SPATA22: variants seen among roughly 807,000 people sequenced by gnomAD.
The protein encoded by SPATA22 is spermatogenesis-associated protein 22.
Under a neutral mutation model 47.8 loss-of-function variants are expected in SPATA22, and 29 were observed. The ratio of observed to expected loss-of-function variants is 0.61; its 90% confidence interval spans 0.45 to 0.83. The LOEUF is 0.83. Among genes scored for constraint, SPATA22 ranks in the 40% least tolerant of loss-of-function variants. The probability of loss-of-function intolerance (pLI) is 0.00; values close to 1 mark genes in which losing one functional copy is unlikely to be tolerated. For missense variants in SPATA22, 410 were observed against 421.7 expected (o/e 0.97, Z 0.24); for synonymous variants, 133 against 140.9 (o/e 0.94, Z 0.40).
At chr17:3,470,750 CAAA>C (rs11339645) in intron 1 of SPATA22, among the ~76,000 whole-genome samples, 1 of 147,122 alleles carries the variant, frequency 6.8e-6, no homozygotes, top group Non-Finnish European at 1.5e-5. Flanking sequence ...GACTCCGTCT[CAAA>C]AAAAAAAGAA....
rs148444458 is a variant in SPATA22, at chr17:3,498,190, C to T, written c.-74+15222G>A. On this transcript the variant is annotated intron_variant, in intron 1 of 8. Coordinates refer to the SPATA22 transcript ENST00000541913. ...GGTAGAATGTCTTGCACACAGAAGA[C>T]TCCTAATGGATATTTCCTAAATTTT... Among the ~76,000 whole-genome samples, 765 of 152,300 alleles carry T rather than the reference C, an allele frequency of 5.0e-3. 3 individuals are homozygous for T. Among genetic ancestry groups the T allele is most frequent in the Non-Finnish European group, 5.2e-3 (355 of 68,034 alleles).
intron 5 of SPATA22, among the ~76,000 whole-genome samples, chr17:3,455,281 C>G (rs969053472): frequency 6.6e-6 from 1 of 152,064 alleles, no homozygotes; most frequent in African/African-American, 2.4e-5. Context: ...TTTTGCTGTG[C>G]AGAAGCTCTT....
intron 3 of SPATA22, 40 bp from the exon 4 acceptor site, chr17:3,462,807 T>C (rs562602605): frequency 1.4e-6 from 2 of 1,454,850 alleles, no homozygotes; most frequent in East Asian, 2.3e-5. Flanking sequence ...GTAAGATAGG[T>C]AGTATTTTTC....
chr17:3,470,742 C>G (rs911045712), intron 1 of SPATA22, among the ~76,000 whole-genome samples: 2 of 121,694 alleles, frequency 1.6e-5, no homozygotes, highest in Non-Finnish European at 3.7e-5. Flanking sequence ...CAGAGCGAGA[C>G]TCCGTCTCAA....
upstream of SPATA22, among the ~76,000 whole-genome samples, chr17:3,475,137 A>G (rs547180646): frequency 6.6e-6 from 1 of 152,344 alleles, no homozygotes; most frequent in Non-Finnish European, 1.5e-5. Flanking sequence ...GTACTTGAAC[A>G]TATGTGACTT....
At chr17:3,446,319 C>T (rs2072724804) in intron 7 of SPATA22, among the ~76,000 whole-genome samples, 153 bp downstream of exon 7, 1 of 132,056 alleles carries the variant, frequency 7.6e-6, no homozygotes, top group Non-Finnish European at 1.7e-5. Context: ...ATTCTATCTA[C>T]CACAGGGACT....
chr17:3,464,228 A>G (rs1253570379), intron 3 of SPATA22, among the ~76,000 whole-genome samples: 1 of 151,884 alleles, frequency 6.6e-6, no homozygotes, highest in East Asian at 1.9e-4. Flanking sequence ...GTGATCCGCC[A>G]GCCTCGGCCT....
Position 3,448,932 on chromosome 17 carries a change from T to A in SPATA22, c.547A>T (p.Ile183Leu). ...ELLRQTHSSK[I>L]SGCTMRGLDK... ...AGCCCTCTCATTGTGCAGCCAGATATTTTTGATGAATGTGTTTGTCTGAGT... is the reference window on the plus strand; with the variant it reads ...AGCCCTCTCATTGTGCAGCCAGATAATTTTGATGAATGTGTTTGTCTGAGT... The change falls in exon 6 of 9, where the codon ATA becomes TTA. Residue 183 changes from isoleucine (I) to leucine (L), a missense_variant. Coordinates refer to ENST00000572969, the MANE Select transcript of SPATA22 (RefSeq NM_001170698.2). 6.2e-7 allele frequency: 1 copy of A among 1,614,080 alleles called. No homozygotes were observed. The highest frequency in any genetic ancestry group is 1.1e-5 in the South Asian group (1 of 91,076).
At chr17:3,486,579 C>G (rs1395008909) in intron 1 of SPATA22, among the ~76,000 whole-genome samples, 1 of 152,084 alleles carries the variant, frequency 6.6e-6, no homozygotes, top group Non-Finnish European at 1.5e-5. Flanking sequence ...TCTCAAACAC[C>G]CTCTTTCTTC....
At chr17:3,453,485 G>T (rs1488162801) in intron 5 of SPATA22, among the ~76,000 whole-genome samples, 1 of 152,082 alleles carries the variant, frequency 6.6e-6, no homozygotes, top group Non-Finnish European at 1.5e-5. Flanking sequence ...AATAAGTATA[G>T]AAGGAACATA....
At chr17:3,502,338 C>G (rs1409151621) in intron 1 of SPATA22, 2 of 152,220 alleles carry the variant, frequency 1.3e-5, no homozygotes, top group Admixed American at 6.5e-5. Flanking sequence ...ATATGTGTGG[C>G]TCATCTGTTA....
chr17:3,490,123 G>A lies in SPATA22; in HGVS notation c.-73-20725C>T, dbSNP rs190628898. ...ACATATATATGTTAACACATCACAG[G>A]GAAAGTCCTAGAAGAAAACACACCA... On this transcript the variant is annotated intron_variant, in intron 1 of 8. Transcript: ENST00000541913. This position sits in a 1 kb window ranked among gnomAD's most constrained non-coding sequence, Gnocchi z 4.6. Among the ~76,000 whole-genome samples the A allele has an allele frequency of 1.1e-4, 17 of 152,084 alleles. No homozygotes were observed. The East Asian group carries it at 3.3e-3, about 29-fold the overall frequency.
chr17:3,506,963 A>AAG (rs1176515589), intron 1 of SPATA22, among the ~76,000 whole-genome samples: 17 of 120,046 alleles, frequency 1.4e-4, no homozygotes, highest in African/African-American at 5.5e-4. Flanking sequence ...AGAGAGAGAG[A>AAG]GAAAGAGAGA....
At chr17:3,492,507 T>G (rs1241850014) in intron 1 of SPATA22, among the ~76,000 whole-genome samples, 1 of 152,236 alleles carries the variant, frequency 6.6e-6, no homozygotes, top group African/African-American at 2.4e-5. Flanking sequence ...TGATGTTTCA[T>G]ATCCTTCTGT....
chr17:3,469,111 A>T (rs1460007891), intron 2 of SPATA22, among the ~76,000 whole-genome samples, 172 bp downstream of exon 2: 1 of 152,196 alleles, frequency 6.6e-6, no homozygotes, highest in Non-Finnish European at 1.5e-5. Context: ...TCCCACCTCT[A>T]CCACTAAATG....
intron 1 of SPATA22, chr17:3,511,202 CCT>C (rs1206683071): frequency 6.6e-6 from 1 of 152,048 alleles, no homozygotes; most frequent in Admixed American, 6.6e-5. Context: ...TTTGTGCACC[CCT>C]GTGGGCACAC....
At chr17:3,506,979 G>A (rs1397556358) in intron 1 of SPATA22, among the ~76,000 whole-genome samples, 1 of 88,238 alleles carries the variant, frequency 1.1e-5, no homozygotes, top group African/African-American at 3.8e-5. Context: ...AGAGAGAGAA[G>A]GAAAAGAGAA....
intron 1 of SPATA22, among the ~76,000 whole-genome samples, chr17:3,491,964 A>G (rs531664452): frequency 1.4e-5 from 2 of 147,370 alleles, no homozygotes; most frequent in South Asian, 4.2e-4. Context: ...TGGAGCCTCA[A>G]GTTCCTGGGC....
chr17:3,446,521 C>T lies in SPATA22; in HGVS notation c.753G>A (p.Lys251=), dbSNP rs766398205. The stretch of plus-strand genomic sequence containing the variant: ...TTTTCTGTGCATGTTCACGCCAATA[C>T]TTCATGCTTTCAATAACTGCAGAAA... ...RIISAVIESM[K]YWREHAQKTV... is the part of the protein sequence containing the mutation. Residue 251 remains lysine, a synonymous_variant, in exon 7 of 9, where the codon AAG becomes AAA. Transcript: ENST00000572969. 1 of 1,609,866 alleles carries T rather than the reference C, an allele frequency of 6.2e-7. No homozygotes were observed. The highest frequency in any genetic ancestry group is 1.1e-5 in the South Asian group (1 of 90,092).
Sources: allele counts gnomAD v4.1 joint callset (sites outside exome capture counted in the v4.1 genomes callset), GRCh38; gene constraint gnomAD v4.1.1; non-coding constraint Gnocchi (gnomAD v3.1); transcripts MANE v1.5; gene names NCBI Gene and HGNC (gene_info 2026-07-23, HGNC 2026-07-21).